The following CHSY3 variants were observed in gnomAD, a reference collection of about 807,000 sequenced individuals.
The protein encoded by CHSY3 is N-acetylgalactosaminyl-proteoglycan 3-beta-glucuronosyltransferase 3.
CHSY3 carries 35 observed loss-of-function variants against 67.2 expected under a neutral mutation model. The ratio of observed to expected loss-of-function variants is 0.52; its 90% confidence interval spans 0.40 to 0.69. CHSY3 has a LOEUF of 0.69. CHSY3 is among the 30% of genes least tolerant of loss of function. The probability of loss-of-function intolerance (pLI) is 0.00; values close to 1 mark genes in which losing one functional copy is unlikely to be tolerated. For synonymous variants in CHSY3, 474 were observed against 434.7 expected, an observed-to-expected ratio of 1.09 and a Z score of -1.12; for missense variants, 1,069 against 1,138.5, an observed-to-expected ratio of 0.94 and a Z score of 0.88.
rs140301369 is a variant in CHSY3, at chr5:130,035,465, G to A, written c.1086+127105G>A. Among the ~76,000 whole-genome samples the A allele has an allele frequency of 9.5e-3, 1,442 of 152,186 alleles. 20 individuals are homozygous for A. Among genetic ancestry groups the A allele is most frequent in the African/African-American group, 0.033 (1,352 of 41,556 alleles). On this transcript the variant is annotated intron_variant, in intron 2 of 2. Coordinates refer to ENST00000305031, the MANE Select transcript of CHSY3 (RefSeq NM_175856.5). ...TGGTATTTATTTGTCAGTAATACAA[G>A]GTATTGCAGAGAAAAACAAACTAAA...
At position 129,992,890 on chromosome 5, in the gene CHSY3, T is replaced by C. The variant is rs79893011; in HGVS notation, c.1086+84530T>C. ...TGTGTACTAAAGCAGTAGTTTTTGA[T>C]TGAAATTCTCACACATATCTATTAT... On this transcript the variant is annotated intron_variant, in intron 2 of 2. Transcript: ENST00000305031. Among the ~76,000 whole-genome samples the C allele has an allele frequency of 8.9e-3, 1,359 of 152,310 alleles. 13 individuals carry two copies. Among genetic ancestry groups the C allele is most frequent in the African/African-American group, 0.03 (1,261 of 41,572 alleles).
intron 2 of CHSY3, among the ~76,000 whole-genome samples, chr5:130,011,082 TCCATTGA>T (rs1764045058): frequency 6.6e-6 from 1 of 152,190 alleles, no homozygotes; most frequent in Non-Finnish European, 1.5e-5. Flanking sequence ...CTGAAACTAT[TCCATTGA>T]CTTGAGAAAG....
At chr5:129,976,050 TAAAAA>T (rs1762798234) in intron 2 of CHSY3, among the ~76,000 whole-genome samples, 1 of 151,962 alleles carries the variant, frequency 6.6e-6, no homozygotes, top group African/African-American at 2.4e-5. Context: ...AATAAATAAA[TAAAAA>T]TAAAATAAAA....
At chr5:130,118,445 T>C (rs568423676) in intron 2 of CHSY3, among the ~76,000 whole-genome samples, 6 of 151,130 alleles carry the variant, frequency 4.0e-5, no homozygotes, top group Admixed American at 6.6e-5. Context: ...TGTCTATATA[T>C]ACACACACAC....
At chr5:129,905,663 C>T (rs1243428873) in intron 1 of CHSY3, 32 bp downstream of exon 1, 2 of 1,604,726 alleles carry the variant, frequency 1.2e-6, no homozygotes, top group South Asian at 1.1e-5. Context: ...TCCAGCCTGC[C>T]AGTCTCCCCG....
chr5:130,038,629 C>A (rs1358569899), intron 2 of CHSY3, among the ~76,000 whole-genome samples: 1 of 152,106 alleles, frequency 6.6e-6, no homozygotes, highest in Non-Finnish European at 1.5e-5. Context: ...GGAATTTCCA[C>A]TTTCCTCTCC....
At chr5:129,918,932 C>A (rs1421638988) in intron 2 of CHSY3, among the ~76,000 whole-genome samples, 1 of 147,892 alleles carries the variant, frequency 6.8e-6, no homozygotes, top group African/African-American at 2.5e-5. Context: ...AAGGTGAAAC[C>A]CCGTCTCTAC....
chr5:130,080,824 T>C (rs2149686496), intron 2 of CHSY3, among the ~76,000 whole-genome samples: 1 of 152,132 alleles, frequency 6.6e-6, no homozygotes, highest in East Asian at 1.9e-4. Flanking sequence ...AACTTCCCTT[T>C]CACCCTCAAA....
intron 2 of CHSY3, among the ~76,000 whole-genome samples, chr5:130,123,771 G>A (rs959668657): frequency 6.6e-6 from 1 of 151,996 alleles, no homozygotes; most frequent in Non-Finnish European, 1.5e-5. Flanking sequence ...GAAGTAAACA[G>A]TTCTGGCCAG....
intron 2 of CHSY3, among the ~76,000 whole-genome samples, chr5:130,040,996 A>G (rs1764991843): frequency 6.6e-6 from 1 of 152,098 alleles, no homozygotes; most frequent in Non-Finnish European, 1.5e-5. Context: ...TTTGATGAAT[A>G]ACAAGGATCC....
rs536042870 is a variant in CHSY3 at position 129,958,626 on chromosome 5, G to A, written c.1086+50266G>A. On this transcript the variant is annotated intron_variant, in intron 2 of 2. Transcript: ENST00000305031. The stretch of plus-strand genomic sequence containing the variant: ...GATCACTGAAGTCTCAAACTCCTGA[G>A]TTCAAGCAATCTTCCTACCTCATCC... Among the ~76,000 whole-genome samples, 85 of 152,272 alleles carry A rather than the reference G, an allele frequency of 5.6e-4. 2 individuals are homozygous for A. The South Asian group carries it at 0.016, about 28-fold the overall frequency.
chr5:130,063,202 C>T (rs1393778590), intron 2 of CHSY3, among the ~76,000 whole-genome samples: 3 of 151,942 alleles, frequency 2.0e-5, no homozygotes, highest in East Asian at 3.9e-4. Flanking sequence ...TATGTCTACT[C>T]GCCTGAATCT....
At chr5:130,085,455 T>G (rs2149688803) in intron 2 of CHSY3, among the ~76,000 whole-genome samples, 1 of 151,880 alleles carries the variant, frequency 6.6e-6, no homozygotes, top group African/African-American at 2.4e-5. Flanking sequence ...GCACAGAAAC[T>G]TCCCCTTTAT....
At chr5:130,067,333 T>C (rs1423134761) in intron 2 of CHSY3, among the ~76,000 whole-genome samples, 2 of 152,184 alleles carry the variant, frequency 1.3e-5, no homozygotes, top group African/African-American at 4.8e-5. Flanking sequence ...TTATGTAACA[T>C]GGTTTGAAAT....
chr5:129,923,325 G>A (rs538807834), intron 2 of CHSY3, among the ~76,000 whole-genome samples: 4 of 152,214 alleles, frequency 2.6e-5, no homozygotes, highest in African/African-American at 9.6e-5. Context: ...TATAAGATAG[G>A]TGGTTGTTGT....
At chr5:130,017,216 A>T (rs1205177573) in intron 2 of CHSY3, among the ~76,000 whole-genome samples, 1 of 151,898 alleles carries the variant, frequency 6.6e-6, no homozygotes, top group Non-Finnish European at 1.5e-5. Context: ...TTTTATATTC[A>T]TGCTATGCAG....
At chr5:130,143,808 GTGTATA>G (rs199936488) in intron 2 of CHSY3, among the ~76,000 whole-genome samples, 1 of 34,066 alleles carries the variant, frequency 2.9e-5, no homozygotes, top group South Asian at 1.4e-3. Flanking sequence ...ATATATATGT[GTGTATA>G]TATATATATA....
chr5:130,129,910 A>G (rs1013804698), intron 2 of CHSY3, among the ~76,000 whole-genome samples: 1 of 152,182 alleles, frequency 6.6e-6, no homozygotes, highest in African/African-American at 2.4e-5. Flanking sequence ...TATTCATAAA[A>G]TGTAACATTT....
At chr5:130,025,443 G>A (rs1422660566) in intron 2 of CHSY3, among the ~76,000 whole-genome samples, 3 of 152,160 alleles carry the variant, frequency 2.0e-5, no homozygotes, top group Non-Finnish European at 2.9e-5. Context: ...AGCCAGATCA[G>A]GTGGGGTTCT....
Sources: allele counts gnomAD v4.1 joint callset (sites outside exome capture counted in the v4.1 genomes callset), GRCh38; gene constraint gnomAD v4.1.1; transcripts MANE v1.5; gene names NCBI Gene and HGNC (gene_info 2026-07-23, HGNC 2026-07-21).